PBLD: variants seen among roughly 807,000 people sequenced by gnomAD.
The protein encoded by PBLD is phenazine biosynthesis-like domain-containing protein.
In PBLD, 26 loss-of-function variants were observed where a neutral mutation model predicts 31.3. The observed-to-expected ratio is 0.83, with a 90% confidence interval of 0.61 to 1.15. The LOEUF (loss-of-function observed/expected upper bound fraction) is 1.15, where lower values mean the gene tolerates loss of function less well. Among genes scored for constraint, PBLD ranks in the 50% most tolerant of loss-of-function variants. The probability of loss-of-function intolerance (pLI) is 0.00; values close to 1 mark genes in which losing one functional copy is unlikely to be tolerated. For synonymous variants in PBLD, 114 were observed against 129.0 expected (o/e 0.88, Z 0.79); for missense variants, 307 against 351.7 (o/e 0.87, Z 1.02).
At position 68,283,984 on chromosome 10, in the gene PBLD, T is replaced by G; in HGVS notation, c.*193A>C. ...CTGGTGTCGAACCCCTGACCTCAGG[T>G]GATCCACCCACCTTGGCCTCTCAAA... On this transcript the variant is annotated 3_prime_UTR_variant, in exon 10 of 10. Transcript: ENST00000358769. 1 of 467,950 alleles carries G rather than the reference T, an allele frequency of 2.1e-6. No individual in the cohort carries two copies. The allele number at this position is 467,950 out of a possible 1,614,324, so 29.0% of individuals were successfully genotyped here. A position where few individuals can be genotyped will look rare whatever the true frequency, so the allele number is the denominator to read the frequency against.
intron 1 of PBLD, among the ~76,000 whole-genome samples, chr10:68,328,490 T>C (rs538869626): frequency 6.6e-6 from 1 of 152,318 alleles, no homozygotes; most frequent in African/African-American, 2.4e-5. Flanking sequence ...TTCCTCTGGG[T>C]CACATGGGTA....
chr10:68,295,790 A>G (rs2044418499), intron 4 of PBLD, among the ~76,000 whole-genome samples: 1 of 152,010 alleles, frequency 6.6e-6, no homozygotes, highest in African/African-American at 2.4e-5. Flanking sequence ...CATCTCTACT[A>G]AAAATACAAA....
rs187549465 is a variant in PBLD at position 68,299,020 on chromosome 10, T to G, written c.85-2035A>C. Among the ~76,000 whole-genome samples the G allele has an allele frequency of 4.9e-3, 714 of 146,114 alleles. 2 individuals carry two copies. Among genetic ancestry groups the G allele is most frequent in the Middle Eastern group, 0.018 (5 of 280 alleles). On this transcript the variant is annotated intron_variant, in intron 2 of 9. Transcript: ENST00000358769. ...TACTCGGGAAACTGAGGCAGGCGAG[T>G]TGCTTGAACCTGGGAGGCAGAGGTG...
chr10:68,295,722 C>T (rs1402983086), intron 4 of PBLD, among the ~76,000 whole-genome samples: 3 of 152,074 alleles, frequency 2.0e-5, no homozygotes, highest in African/African-American at 7.2e-5. Context: ...GAGGCCGATG[C>T]AGATGGATCA....
chr10:68,285,746 A>G (rs2044278780), intron 8 of PBLD, among the ~76,000 whole-genome samples: 1 of 151,636 alleles, frequency 6.6e-6, no homozygotes, highest in South Asian at 2.1e-4. Context: ...TGACACAATC[A>G]TGGCTCACTG....
Position 68,306,072 on chromosome 10 carries a change from C to T in PBLD, c.84+689G>A, listed in dbSNP as rs114256531. 2.3e-3 allele frequency among the ~76,000 whole-genome samples: 350 copies of T among 150,096 alleles called. 1 individual carries two copies. The highest frequency in any genetic ancestry group is 8.4e-3 in the African/African-American group (334 of 39,608). ...TAGGGACCAACACAAGGTCAATATT[C>T]CTTGACCTTGAGGGTCAATATTTAA... On this transcript the variant is annotated intron_variant, in intron 2 of 9. Transcript: ENST00000358769.
chr10:68,317,652 T>C (rs1056009073), intron 1 of PBLD, among the ~76,000 whole-genome samples: 1 of 151,270 alleles, frequency 6.6e-6, no homozygotes, highest in Non-Finnish European at 1.5e-5. Context: ...TTACAAAAAT[T>C]AGGTGGGCAT....
chr10:68,297,013 G>C, intron 2 of PBLD, 28 bp from the exon 3 acceptor site: 1 of 1,558,392 alleles, frequency 6.4e-7, no homozygotes, highest in Non-Finnish European at 8.8e-7. Flanking sequence ...GATCATTGAG[G>C]TTTCAAAAAC....
chr10:68,312,891 G>A (rs749002559), intron 1 of PBLD, among the ~76,000 whole-genome samples: 4 of 151,872 alleles, frequency 2.6e-5, no homozygotes, highest in Non-Finnish European at 4.4e-5. Context: ...GATTACAGGC[G>A]TGAGCCACCG....
At chr10:68,317,681 CCAG>C (rs1406572509) in intron 1 of PBLD, among the ~76,000 whole-genome samples, 1 of 151,932 alleles carries the variant, frequency 6.6e-6, no homozygotes, top group Non-Finnish European at 1.5e-5. Flanking sequence ...GCCTGTAATC[CCAG>C]CTACTCAAGA....
Position 68,289,034 on chromosome 10 carries a change from C to A in PBLD, c.424-15G>T. On this transcript the variant is annotated splice_polypyrimidine_tract_variant and intron_variant, in intron 6 of 9. Transcript: ENST00000358769. Reference sequence around the variant, plus strand: ...CCTATGGCAGTCTGTGGAGACAGACCAAAAACTCCTCAGGGACATGCCCTG... The same window carrying A: ...CCTATGGCAGTCTGTGGAGACAGACAAAAAACTCCTCAGGGACATGCCCTG... The A allele has an allele frequency of 6.2e-7, 1 of 1,601,274 alleles. No homozygotes were observed. The highest frequency in any genetic ancestry group is 8.6e-7 in the Non-Finnish European group (1 of 1,169,330).
chr10:68,302,186 C>A (rs917634300), intron 2 of PBLD, among the ~76,000 whole-genome samples: 2 of 152,210 alleles, frequency 1.3e-5, no homozygotes, highest in African/African-American at 4.8e-5. Context: ...CAGTTACAAA[C>A]CAACAGCTAT....
At chr10:68,324,350 TA>T (rs1251049764) in intron 1 of PBLD, among the ~76,000 whole-genome samples, 1 of 151,984 alleles carries the variant, frequency 6.6e-6, no homozygotes, top group African/African-American at 2.4e-5. Flanking sequence ...CTAATTTTTG[TA>T]TTTTTTGTAG....
At chr10:68,285,172 G>A (rs2044270560) in intron 9 of PBLD, 176 bp downstream of exon 9, 1 of 1,460,100 alleles carries the variant, frequency 6.8e-7, no homozygotes, top group South Asian at 1.5e-5. Flanking sequence ...GGGAGGCAGA[G>A]GTGAAGGCTG....
At chr10:68,287,457 G>T (rs2044303146) in intron 8 of PBLD, 1 of 152,254 alleles carries the variant, frequency 6.6e-6, no homozygotes, top group African/African-American at 2.4e-5. Flanking sequence ...AAAAGTGCTT[G>T]TTTGCTGAGT....
At chr10:68,294,624 T>G (rs2044400753) in intron 4 of PBLD, among the ~76,000 whole-genome samples, 1 of 152,264 alleles carries the variant, frequency 6.6e-6, no homozygotes, top group Admixed American at 6.5e-5. Flanking sequence ...ACTATACTAC[T>G]TGAAAAAATG....
At chr10:68,284,727 T>C (rs1478040677) in intron 9 of PBLD, among the ~76,000 whole-genome samples, 1 of 151,692 alleles carries the variant, frequency 6.6e-6, no homozygotes, top group Admixed American at 6.6e-5. Flanking sequence ...ACAGAGGGAG[T>C]TCATTCACTC....
intron 1 of PBLD, among the ~76,000 whole-genome samples, chr10:68,316,178 T>A (rs1199361606): frequency 5.9e-5 from 9 of 152,096 alleles, no homozygotes; most frequent in Non-Finnish European, 1.2e-4. Flanking sequence ...GACAAGAACA[T>A]TAAATCAGCT....
chr10:68,320,101 G>A (rs367694818), intron 1 of PBLD, among the ~76,000 whole-genome samples: 3 of 152,062 alleles, frequency 2.0e-5, no homozygotes, highest in East Asian at 1.9e-4. Context: ...GGGATTACAC[G>A]CGTGAGCCAC....
Sources: allele counts gnomAD v4.1 joint callset (sites outside exome capture counted in the v4.1 genomes callset), GRCh38; gene constraint gnomAD v4.1.1; transcripts MANE v1.5; gene names NCBI Gene and HGNC (gene_info 2026-07-23, HGNC 2026-07-21).